Variants in PMFBP1 observed in about 807,000 individuals in gnomAD.
PMFBP1 encodes the protein polyamine modulated factor 1 binding protein 1.
Under a neutral mutation model 137.8 loss-of-function variants are expected in PMFBP1, and 131 were observed. That is an observed-to-expected ratio of 0.95 (90% CI 0.82 to 1.10). The LOEUF is 1.10. PMFBP1 is among the 50% of genes least tolerant of loss of function. The pLI, the probability that PMFBP1 is intolerant of heterozygous loss-of-function variation, is 0.00. For missense variants in PMFBP1, 1,199 were observed against 1,175.4 expected (o/e 1.02, Z -0.29); for synonymous variants, 490 against 450.4 (o/e 1.09, Z -1.11).
the PMFBP1 span, among the ~76,000 whole-genome samples, chr16:72,184,087 C>T: frequency 3.3e-5 from 5 of 152,192 alleles, no homozygotes; most frequent in Admixed American, 6.5e-5. Flanking sequence ...TCCCAGATTT[C>T]CTCCTGCTCT....
chr16:72,243,091 C>T, the PMFBP1 span, among the ~76,000 whole-genome samples: 54 of 152,212 alleles, frequency 3.5e-4, no homozygotes, highest in African/African-American at 1.3e-3. Flanking sequence ...CCTATGAACT[C>T]AGAGGAGCAT....
upstream of PMFBP1, among the ~76,000 whole-genome samples, chr16:72,178,609 T>C (rs2043266244): frequency 6.6e-6 from 1 of 152,234 alleles, no homozygotes; most frequent in Non-Finnish European, 1.5e-5. Context: ...ATCTATTATA[T>C]GGGCTATAAT....
intron 9 of PMFBP1, among the ~76,000 whole-genome samples, chr16:72,135,747 T>G (rs1207159490): frequency 7.3e-5 from 10 of 137,012 alleles, no homozygotes; most frequent in Non-Finnish European, 3.1e-5. Flanking sequence ...TCTGTTTTTT[T>G]TTTTTTTTTT....
At chr16:72,124,689 G>A (rs1466812850) in intron 17 of PMFBP1, 78 bp downstream of exon 17, 39 of 1,523,968 alleles carry the variant, frequency 2.6e-5, no homozygotes. Flanking sequence ...CCCACCAAGG[G>A]CTGTCTGGCA....
At chr16:72,162,048 T>C (rs1288761467) in intron 3 of PMFBP1, among the ~76,000 whole-genome samples, 1 of 152,256 alleles carries the variant, frequency 6.6e-6, no homozygotes, top group Non-Finnish European at 1.5e-5. Flanking sequence ...CATCAGGGAA[T>C]GGAGCCTGGG....
intron 20 of PMFBP1, 147 bp downstream of exon 20, chr16:72,119,704 T>C (rs2042347572): frequency 6.8e-7 from 1 of 1,480,562 alleles, no homozygotes; most frequent in South Asian, 1.4e-5. Flanking sequence ...CCTTTACAGA[T>C]GTGAAAACAA....
At chr16:72,202,058 T>C in the PMFBP1 span, among the ~76,000 whole-genome samples, 1 of 152,248 alleles carries the variant, frequency 6.6e-6, no homozygotes, top group Non-Finnish European at 1.5e-5. Flanking sequence ...TTCATCTCCC[T>C]GTGGACACCA....
the PMFBP1 span, among the ~76,000 whole-genome samples, chr16:72,239,131 C>G: frequency 6.6e-6 from 1 of 152,116 alleles, no homozygotes; most frequent in East Asian, 1.9e-4. Flanking sequence ...CCTAATAGTA[C>G]CATTGAAACT....
chr16:72,122,063 G>A (rs927618970), intron 19 of PMFBP1, among the ~76,000 whole-genome samples: 8 of 152,048 alleles, frequency 5.3e-5, no homozygotes, highest in African/African-American at 1.9e-4. Context: ...TCCACCCTCT[G>A]ACAGACCCCA....
chr16:72,247,377 AAAT>A, the PMFBP1 span, among the ~76,000 whole-genome samples: 1 of 152,224 alleles, frequency 6.6e-6, no homozygotes, highest in African/African-American at 2.4e-5. Context: ...ACAACTTGCA[AAAT>A]AATAAGCTTC....
intron 13 of PMFBP1, 122 bp from the exon 14 acceptor site, chr16:72,128,916 CT>C: frequency 4.0e-6 from 6 of 1,507,718 alleles, no homozygotes; most frequent in Non-Finnish European, 5.4e-6. Flanking sequence ...CTCAGGCATT[CT>C]CGCTCCCCTC....
chr16:72,162,589 C>T (rs567843618), intron 3 of PMFBP1, among the ~76,000 whole-genome samples: 7 of 152,260 alleles, frequency 4.6e-5, no homozygotes, highest in African/African-American at 9.6e-5. Context: ...AGGGATTTTC[C>T]GAGCGGATGA....
At chr16:72,200,461 A>G in the PMFBP1 span, among the ~76,000 whole-genome samples, 2 of 152,232 alleles carry the variant, frequency 1.3e-5, no homozygotes, top group African/African-American at 4.8e-5. Context: ...TCTGCAGTGA[A>G]GCAATGGCCC....
In PMFBP1 at chr16:72,154,459, C is replaced by T. The variant is rs2042952838; in HGVS notation, c.166G>A (p.Asp56Asn). Residue 56 changes from aspartate (D) to asparagine (N), a missense_variant and splice_region_variant, in exon 4 of 21, where the codon GAC becomes AAC. By Grantham distance (23) the Asp-to-Asn change is conservative. Coordinates refer to ENST00000237353, the MANE Select transcript of PMFBP1 (RefSeq NM_031293.3). ...GCTAATGCCTGTGCTTGCTTCTTGT[C>T]CTACCATAGAGACAGGATATACAAA... ...CMEEAMNSSH[D>N]KKQAQALAFE... is the part of the protein sequence containing the mutation. 3.1e-6 allele frequency: 5 copies of T among 1,613,682 alleles called. No homozygotes were observed. Among genetic ancestry groups the T allele is most frequent in the Non-Finnish European group, 4.2e-6 (5 of 1,179,654 alleles).
At chr16:72,225,691 T>A in the PMFBP1 span, among the ~76,000 whole-genome samples, 9 of 143,226 alleles carry the variant, frequency 6.3e-5, no homozygotes, top group Middle Eastern at 7.2e-3. Context: ...CCAGCCGGGA[T>A]GACAGAATGA....
At chr16:72,187,131 T>A in the PMFBP1 span, among the ~76,000 whole-genome samples, 740 of 148,814 alleles carry the variant, frequency 5.0e-3, 7 homozygotes, top group African/African-American at 0.017. Flanking sequence ...AAAAAATAAA[T>A]AAAAAAATAA....
At chr16:72,211,324 C>T in the PMFBP1 span, among the ~76,000 whole-genome samples, 1,241 of 152,272 alleles carry the variant, frequency 8.1e-3, 9 homozygotes, top group Non-Finnish European at 0.011. Flanking sequence ...GCATCTGTCC[C>T]CCAGGCAGAA....
chr16:72,161,439 G>A (rs1156578011), intron 3 of PMFBP1, among the ~76,000 whole-genome samples: 2 of 152,008 alleles, frequency 1.3e-5, no homozygotes, highest in African/African-American at 4.8e-5. Context: ...TGCATGTCTT[G>A]TACTTCCTTG....
chr16:72,242,924 C>G, the PMFBP1 span, among the ~76,000 whole-genome samples: 1 of 152,158 alleles, frequency 6.6e-6, no homozygotes. Context: ...GCGACGAAGG[C>G]GTTCATATTG....
Sources: allele counts gnomAD v4.1 joint callset (sites outside exome capture counted in the v4.1 genomes callset), GRCh38; gene constraint gnomAD v4.1.1; transcripts MANE v1.5; gene names NCBI Gene and HGNC (gene_info 2026-07-23, HGNC 2026-07-21).